ATP10A: variants seen among roughly 807,000 people sequenced by gnomAD.
ATP10A encodes ATPase phospholipid transporting 10A (putative).
A neutral mutation model predicts 147.8 loss-of-function variants in ATP10A; 111 were observed. The observed-to-expected ratio is 0.75, with a 90% CI of 0.64 to 0.88. The LOEUF is 0.88. ATP10A is among the 40% of genes least tolerant of loss of function. The pLI, the probability that ATP10A is intolerant of heterozygous loss-of-function variation, is 0.00. For missense variants in ATP10A, 1,927 were observed against 1,959.0 expected (o/e 0.98, Z 0.31); for synonymous variants, 875 against 841.6 (o/e 1.04, Z -0.69).
At chr15:25,739,945 GC>G (rs898543123) in intron 2 of ATP10A, among the ~76,000 whole-genome samples, 1 of 152,158 alleles carries the variant, frequency 6.6e-6, no homozygotes, top group African/African-American at 2.4e-5. Context: ...CTCCAGGGAT[GC>G]CCAGAGCCCT....
chr15:25,750,908 A>C (rs906866413), intron 2 of ATP10A, among the ~76,000 whole-genome samples: 2 of 152,090 alleles, frequency 1.3e-5, no homozygotes, highest in African/African-American at 4.8e-5. Context: ...AATGGGAGAA[A>C]AAAGAAGCAG....
intron 16 of ATP10A, 120 bp from the exon 17 acceptor site, chr15:25,683,606 GATTT>G: frequency 3.1e-6 from 3 of 977,642 alleles, no homozygotes; most frequent in Non-Finnish European, 4.5e-6. Flanking sequence ...TATTGGCAGC[GATTT>G]CTGCCAAAGA....
At chr15:25,827,410 G>C (rs1314759971) in intron 1 of ATP10A, among the ~76,000 whole-genome samples, 1 of 152,064 alleles carries the variant, frequency 6.6e-6, no homozygotes, top group Non-Finnish European at 1.5e-5. Flanking sequence ...TTTTCCCCTT[G>C]ATTTAAAAGA....
At chr15:25,748,789 T>G (rs1596811088) in intron 2 of ATP10A, among the ~76,000 whole-genome samples, 1 of 152,068 alleles carries the variant, frequency 6.6e-6, no homozygotes, top group East Asian at 1.9e-4. Context: ...GCACAGTGGC[T>G]CATGCCTGTA....
In ATP10A at chr15:25,799,051, C is replaced by T. The variant is rs769223070; in HGVS notation, c.450-17828G>A. Among the ~76,000 whole-genome samples the T allele has an allele frequency of 1.5e-4, 23 of 152,344 alleles. No homozygotes were observed. The Middle Eastern group carries it at 0.017, about 113-fold the overall frequency. On this transcript the variant is annotated intron_variant, in intron 1 of 20. Transcript: ENST00000555815. ...TCTCTGTGCCTTTCCTTCCTCTTCC[C>T]ATGCCTGCTTGCCCGCAGTTATTTT... is the stretch of plus-strand genomic sequence containing the variant.
intron 1 of ATP10A, among the ~76,000 whole-genome samples, chr15:25,825,971 A>G (rs1303933191): frequency 1.3e-5 from 2 of 152,196 alleles, no homozygotes; most frequent in South Asian, 2.1e-4. Context: ...GAGAATATCA[A>G]TAAAGAGATA....
At chr15:25,737,323 T>C (rs1322413032) in intron 2 of ATP10A, among the ~76,000 whole-genome samples, 1 of 152,204 alleles carries the variant, frequency 6.6e-6, no homozygotes, top group East Asian at 1.9e-4. Context: ...CATTTGCAGA[T>C]ACAAAGTACA....
intron 1 of ATP10A, among the ~76,000 whole-genome samples, chr15:25,820,240 G>T (rs1181532652): frequency 6.6e-6 from 1 of 152,082 alleles, no homozygotes. Context: ...TCAAAAATCT[G>T]GGAAAAGGGG....
intron 2 of ATP10A, among the ~76,000 whole-genome samples, chr15:25,780,674 T>C (rs985478356): frequency 1.3e-5 from 2 of 152,238 alleles, no homozygotes; most frequent in African/African-American, 4.8e-5. Flanking sequence ...TGACTCCTGC[T>C]GCGTTGCCAT....
At chr15:25,827,602 C>CT (rs1331693068) in intron 1 of ATP10A, among the ~76,000 whole-genome samples, 1 of 152,016 alleles carries the variant, frequency 6.6e-6, no homozygotes, top group African/African-American at 2.4e-5. Context: ...AATTTAGATG[C>CT]TAATTAAAAC....
chr15:25,808,580 C>T (rs1891296501), intron 1 of ATP10A, among the ~76,000 whole-genome samples: 1 of 152,208 alleles, frequency 6.6e-6, no homozygotes, highest in South Asian at 2.1e-4. Flanking sequence ...GATGGGGTTT[C>T]TCCATGTTGG....
At chr15:25,786,382 T>G (rs1890159569) in intron 1 of ATP10A, among the ~76,000 whole-genome samples, 1 of 152,158 alleles carries the variant, frequency 6.6e-6, no homozygotes, top group South Asian at 2.1e-4. Flanking sequence ...TTGGAGACAG[T>G]AACTTCCAGT....
chr15:25,864,234 G>C (rs1383126187), upstream of ATP10A, among the ~76,000 whole-genome samples: 1 of 152,154 alleles, frequency 6.6e-6, no homozygotes, highest in Non-Finnish European at 1.5e-5. Flanking sequence ...GAGAAGGGGT[G>C]GGAGAATAAG....
intron 13 of ATP10A, among the ~76,000 whole-genome samples, chr15:25,698,931 T>C (rs1417129862): frequency 1.3e-5 from 2 of 152,070 alleles, no homozygotes; most frequent in Non-Finnish European, 2.9e-5. Context: ...AAAATGCTGA[T>C]AAAAGAAATA....
intron 7 of ATP10A, among the ~76,000 whole-genome samples, chr15:25,720,330 A>G (rs1010256407): frequency 4.6e-5 from 7 of 151,984 alleles, no homozygotes; most frequent in Non-Finnish European, 1.0e-4. Flanking sequence ...GTTAAAATTT[A>G]CTCTCTGAGT....
chr15:25,736,081 C>T lies in ATP10A; in HGVS notation c.715G>A (p.Asp239Asn), dbSNP rs1385055394. The T allele has an allele frequency of 3.7e-6, 6 of 1,613,716 alleles. No homozygotes were observed. Among genetic ancestry groups the T allele is most frequent in the African/African-American group, 1.3e-5 (1 of 75,052 alleles). Reference sequence around the variant, plus strand: ...ATGCAGCCGCGAAACCTACTCAGGTCGTTGTTTGGCTTCTCGCATTCGATC... The same window carrying T: ...ATGCAGCCGCGAAACCTACTCAGGTTGTTGTTTGGCTTCTCGCATTCGATC... ...SVIECEKPNN[D>N]LSRFRGCIIH... The change falls in exon 3 of 21, where the codon GAC becomes AAC. Residue 239 changes from aspartate to asparagine, a missense_variant. Coordinates refer to ENST00000555815, the MANE Select transcript of ATP10A (RefSeq NM_024490.4).
intron 2 of ATP10A, among the ~76,000 whole-genome samples, chr15:25,773,336 C>T (rs1889432539): frequency 6.6e-6 from 1 of 152,098 alleles, no homozygotes; most frequent in African/African-American, 2.4e-5. Flanking sequence ...AAGATAACTC[C>T]AATGTCTGCG....
chr15:25,782,884 G>C (rs1284990273), intron 1 of ATP10A, among the ~76,000 whole-genome samples: 1 of 151,986 alleles, frequency 6.6e-6, no homozygotes, highest in African/African-American at 2.4e-5. Context: ...GAAATCCTCT[G>C]GGTTGCCGGG....
At chr15:25,675,674 G>A (rs28720684), downstream of ATP10A, among the ~76,000 whole-genome samples, 18,769 of 152,230 alleles carry the variant, frequency 0.12, 1,264 homozygotes, top group South Asian at 0.17. Context: ...GTCAGGCGGC[G>A]CTGGCTTACA....
Sources: allele counts gnomAD v4.1 joint callset (sites outside exome capture counted in the v4.1 genomes callset), GRCh38; gene constraint gnomAD v4.1.1; transcripts MANE v1.5; gene names NCBI Gene and HGNC (gene_info 2026-07-23, HGNC 2026-07-21).